CHST12: variants seen among roughly 807,000 people sequenced by gnomAD.
CHST12 encodes the protein carbohydrate (chondroitin 4) sulfotransferase 12.
A neutral mutation model predicts 27.9 loss-of-function variants in CHST12; 23 were observed. The observed-to-expected ratio is 0.82, with a 90% CI of 0.59 to 1.17. CHST12 has a LOEUF of 1.17. Ranked by LOEUF, CHST12 falls within the 50% of genes most tolerant of loss-of-function variation. The probability of loss-of-function intolerance (pLI) is 0.00; values close to 1 mark genes in which losing one functional copy is unlikely to be tolerated. For missense variants in CHST12, 682 were observed against 603.0 expected (o/e 1.13, Z -1.37); for synonymous variants, 322 against 273.0 (o/e 1.18, Z -1.77).
In CHST12 at chr7:2,438,345, A is replaced by G. The variant is rs1782522133; in HGVS notation, c.*4461A>G. 1.3e-5 allele frequency: 2 copies of G among 152,172 alleles called. No individual in the cohort carries two copies. Among genetic ancestry groups the G allele is most frequent in the Non-Finnish European group, 2.9e-5 (2 of 68,074 alleles). The allele number at this position is 152,172 out of a possible 1,614,324, so 9.4% of individuals were successfully genotyped here. A position where few individuals can be genotyped will look rare whatever the true frequency, so the allele number is the denominator to read the frequency against. Reference sequence around the variant, plus strand: ...TGGGTTCCTGGTGGTGCTCCCCTCCATGTGTGCTCACCCGCCTGTATGGAG... The same window carrying G: ...TGGGTTCCTGGTGGTGCTCCCCTCCGTGTGTGCTCACCCGCCTGTATGGAG... On this transcript the variant is annotated 3_prime_UTR_variant, in exon 2 of 2. Transcript: ENST00000618655.
chr7:2,405,167 G>A (rs570632441), intron 1 of CHST12, among the ~76,000 whole-genome samples: 57 of 152,258 alleles, frequency 3.7e-4, no homozygotes, highest in African/African-American at 1.3e-3. Context: ...CTGGAAGGCC[G>A]GGCGAGGTGG....
chr7:2,421,976 A>T (rs2115416309), intron 1 of CHST12, among the ~76,000 whole-genome samples: 1 of 152,356 alleles, frequency 6.6e-6, no homozygotes, highest in South Asian at 2.1e-4. Flanking sequence ...AAAATGATGT[A>T]GTCACTGGCA....
rs746228708 is a variant in CHST12 at position 2,433,078 on chromosome 7, G to A, written c.439G>A (p.Asp147Asn). The A allele has an allele frequency of 1.9e-6, 3 of 1,612,300 alleles. No individual in the cohort carries two copies. The highest frequency in any genetic ancestry group is 1.1e-5 in the South Asian group (1 of 91,064). ...LAFPTKERAFDDIPNSELSHL... is the reference protein window; with the variant it reads ...LAFPTKERAFNDIPNSELSHL... ...CTTCCCCACCAAGGAGCGCGCATTC[G>A]ACGACATCCCCAACTCGGAGCTGAG... Residue 147 changes from aspartate to asparagine, a missense_variant, in exon 2 of 2, where the codon GAC (aspartate) becomes AAC (asparagine). By Grantham distance (23) the Asp-to-Asn change is conservative. Coordinates refer to ENST00000618655, the MANE Select transcript of CHST12 (RefSeq NM_018641.5). The surrounding 1 kb of genome is among the most constrained non-coding windows in gnomAD (Gnocchi z 6.1).
intron 1 of CHST12, among the ~76,000 whole-genome samples, chr7:2,415,374 A>T (rs947125123): frequency 1.3e-5 from 2 of 151,988 alleles, no homozygotes; most frequent in Non-Finnish European, 2.9e-5. Context: ...TCAAAAAAAA[A>T]AAAAAGTTTT....
chr7:2,432,877 C>T lies in CHST12; in HGVS notation c.238C>T (p.Gln80Ter). 1 of 1,613,680 alleles carries T rather than the reference C, an allele frequency of 6.2e-7. No homozygotes were observed. The highest frequency in any genetic ancestry group is 8.5e-7 in the Non-Finnish European group (1 of 1,179,902). Reference protein sequence around the residue: ...LDKFLSAGVKQSDLPRKETEQ... With the variant: ...LDKFLSAGVK ...CAAGTTTCTCAGTGCTGGCGTGAAGCAGAGCGACCTTCCCAGAAAGGAGAC... is the reference window on the plus strand; with the variant it reads ...CAAGTTTCTCAGTGCTGGCGTGAAGTAGAGCGACCTTCCCAGAAAGGAGAC... The change falls in exon 2 of 2, where the codon CAG becomes TAG. Residue 80 changes from glutamine to a stop codon, truncating the protein, a stop_gained. Transcript: ENST00000618655. LOFTEE classifies it high-confidence loss of function.
chr7:2,421,911 C>T (rs573439883), intron 1 of CHST12, among the ~76,000 whole-genome samples: 1 of 152,196 alleles, frequency 6.6e-6, no homozygotes, highest in Admixed American at 6.5e-5. Flanking sequence ...AAATATTTTC[C>T]TTGTAATTAA....
intron 1 of CHST12, among the ~76,000 whole-genome samples, chr7:2,410,107 A>G (rs780429660): frequency 6.6e-6 from 1 of 152,142 alleles, no homozygotes; most frequent in Non-Finnish European, 1.5e-5. Flanking sequence ...TCGTTTTCCA[A>G]GGGGGTTTTA....
intron 1 of CHST12, among the ~76,000 whole-genome samples, chr7:2,412,294 T>C (rs564031275): frequency 5.3e-5 from 8 of 152,310 alleles, no homozygotes; most frequent in Admixed American, 3.3e-4. Context: ...GAGGTTTTAA[T>C]GTAGTACCAC....
rs1782609565 is a variant in CHST12 at position 2,441,690 on chromosome 7, CT to C, written c.*7808del. 1 of 75,556 alleles carries C rather than the reference CT, an allele frequency of 1.3e-5. No homozygotes were observed. The highest frequency in any genetic ancestry group is 5.0e-4 in the South Asian group (1 of 1,996). 4.7% of individuals were successfully genotyped at this position (75,556 alleles called of 1,614,324 possible). ...CCTGGGTGACAGAGCAAGATCTTGT[CT>C]TAAAAAAAAAAAAAAAAAAAAAGGT... On this transcript the variant is annotated 3_prime_UTR_variant, in exon 2 of 2. Transcript: ENST00000618655.
chr7:2,431,019 G>A (rs1260638957), intron 1 of CHST12, among the ~76,000 whole-genome samples: 6 of 152,314 alleles, frequency 3.9e-5, no homozygotes, highest in African/African-American at 1.4e-4. Context: ...GTTGGTTGCT[G>A]GTGTTGAGTT....
At chr7:2,413,556 G>A (rs983750543) in intron 1 of CHST12, among the ~76,000 whole-genome samples, 1 of 151,890 alleles carries the variant, frequency 6.6e-6, no homozygotes, top group Non-Finnish European at 1.5e-5. Context: ...TTTTCATCAC[G>A]ATTTTGGCCT....
At chr7:2,428,846 G>A (rs141096155) in intron 1 of CHST12, among the ~76,000 whole-genome samples, 1,544 of 152,298 alleles carry the variant, frequency 0.01, 29 homozygotes, top group African/African-American at 0.035. Context: ...GAAACAGGAC[G>A]TGAAGCTAGA....
In CHST12 at chr7:2,434,572, T is replaced by A. The variant is rs1337982249; in HGVS notation, c.*688T>A. On this transcript the variant is annotated 3_prime_UTR_variant, in exon 2 of 2. Coordinates refer to ENST00000618655, the MANE Select transcript of CHST12 (RefSeq NM_018641.5). Reference sequence around the variant, plus strand: ...ACCTGGCCAACATGGTGAAACCCTGTCTCTACTAAAAAAAAAAAAAAAAAA... The same window carrying A: ...ACCTGGCCAACATGGTGAAACCCTGACTCTACTAAAAAAAAAAAAAAAAAA... The A allele has an allele frequency of 1.4e-5, 1 of 71,408 alleles. No individual in the cohort carries two copies. Among genetic ancestry groups the A allele is most frequent in the South Asian group, 4.8e-4 (1 of 2,090 alleles). The allele number at this position is 71,408 out of a possible 1,614,324, so 4.4% of individuals were successfully genotyped here.
In CHST12 at chr7:2,441,575, C is replaced by T. The variant is rs1782605973; in HGVS notation, c.*7691C>T. 2 of 151,516 alleles carry T rather than the reference C, an allele frequency of 1.3e-5. No individual in the cohort carries two copies. The highest frequency in any genetic ancestry group is 4.9e-5 in the African/African-American group (2 of 41,188). The allele number at this position is 151,516 out of a possible 1,614,324, so 9.4% of individuals were successfully genotyped here. A position where few individuals can be genotyped will look rare whatever the true frequency, so the allele number is the denominator to read the frequency against. ...GTGCATGGTGGTATGCACCTGTAGT[C>T]CCAGCTACTTGGGAGGCTGAGGTGG... On this transcript the variant is annotated 3_prime_UTR_variant, in exon 2 of 2. Coordinates refer to ENST00000618655, the MANE Select transcript of CHST12 (RefSeq NM_018641.5).
rs1782672988 is a variant in CHST12, at chr7:2,443,618, T to C, written c.*9734T>C. ...TATTACCAAAAATACTTAAAATTCTTACAGATGGCATGGGAAAGTAGCACA... is the reference window on the plus strand; with the variant it reads ...TATTACCAAAAATACTTAAAATTCTCACAGATGGCATGGGAAAGTAGCACA... On this transcript the variant is annotated 3_prime_UTR_variant, in exon 2 of 2. Transcript: ENST00000618655. 1 of 152,208 alleles carries C rather than the reference T, an allele frequency of 6.6e-6. No homozygotes were observed. Among genetic ancestry groups the C allele is most frequent in the Admixed American group, 6.5e-5 (1 of 15,278 alleles). The allele number at this position is 152,208 out of a possible 1,614,324, so 9.4% of individuals were successfully genotyped here. A position where few individuals can be genotyped will look rare whatever the true frequency, so the allele number is the denominator to read the frequency against.
Position 2,433,745 on chromosome 7 carries a change from G to T in CHST12, c.1106G>T (p.Arg369Leu). Residue 369 changes from arginine (R) to leucine (L), a missense_variant, in exon 2 of 2, where the codon CGG (arginine) becomes CTG (leucine). By Grantham distance (102) the Arg-to-Leu change is moderately radical (BLOSUM62 -2). Coordinates refer to ENST00000618655, the MANE Select transcript of CHST12 (RefSeq NM_018641.5). The surrounding 1 kb of genome is among the most constrained non-coding windows in gnomAD (Gnocchi z 6.1). ...CAGCTCCGCTTCCCCCCGAGCTACCGGAACAGGACCGCCAGCAGCTGGGAG... is the reference window on the plus strand; with the variant it reads ...CAGCTCCGCTTCCCCCCGAGCTACCTGAACAGGACCGCCAGCAGCTGGGAG... Reference protein sequence around the residue: ...DRQLRFPPSYRNRTASSWEED... With the variant: ...DRQLRFPPSYLNRTASSWEED... The T allele has an allele frequency of 1.2e-6, 2 of 1,613,820 alleles. No individual in the cohort carries two copies. The highest frequency in any genetic ancestry group is 1.7e-6 in the Non-Finnish European group (2 of 1,180,020).
At chr7:2,425,136 C>G (rs1782076461) in intron 1 of CHST12, among the ~76,000 whole-genome samples, 1 of 144,244 alleles carries the variant, frequency 6.9e-6, no homozygotes, top group South Asian at 2.2e-4. Context: ...ACCCGGGAGG[C>G]AGAGATTGCA....
At chr7:2,423,531 A>G (rs1203425119) in intron 1 of CHST12, among the ~76,000 whole-genome samples, 2 of 152,096 alleles carry the variant, frequency 1.3e-5, no homozygotes, top group Admixed American at 6.6e-5. Flanking sequence ...GGTTTGAGAC[A>G]CGTATTAGCT....
intron 1 of CHST12, among the ~76,000 whole-genome samples, chr7:2,411,761 C>T (rs1419363413): frequency 2.0e-5 from 3 of 152,152 alleles, no homozygotes; most frequent in Admixed American, 6.5e-5. Flanking sequence ...GGATTACAGG[C>T]GTGAGCCACT....
Sources: gnomAD v4.1 joint callset for allele counts (sites outside exome capture counted in the v4.1 genomes callset) on GRCh38, gnomAD v4.1.1 for gene constraint, Gnocchi (gnomAD v3.1) non-coding constraint, MANE v1.5 for transcripts, NCBI Gene and HGNC (gene_info 2026-07-23, HGNC 2026-07-21) for gene names.